Variants in ZNF385D observed in about 807,000 individuals in gnomAD.
The protein encoded by ZNF385D is zinc finger protein 659.
In ZNF385D, 15 loss-of-function variants were observed where a neutral mutation model predicts 35.8. That is an observed-to-expected ratio of 0.42 (90% CI 0.28 to 0.64). The LOEUF (loss-of-function observed/expected upper bound fraction) is 0.64. Ranked by LOEUF, ZNF385D falls within the 30% of genes least tolerant of loss-of-function variation. The pLI is 0.23. For missense variants in ZNF385D, 474 were observed against 494.6 expected, an observed-to-expected ratio of 0.96 and a Z score of 0.39; for synonymous variants, 212 against 186.8, an observed-to-expected ratio of 1.13 and a Z score of -1.10.
At chr3:21,561,318 C>A (rs976867562) in intron 3 of ZNF385D, among the ~76,000 whole-genome samples, 1 of 152,180 alleles carries the variant, frequency 6.6e-6, no homozygotes, top group Non-Finnish European at 1.5e-5. Context: ...TTGCAAAGAC[C>A]ATGGGAAAAG....
At chr3:21,783,925 T>TA (rs2071586631) in intron 3 of ZNF385D, among the ~76,000 whole-genome samples, 2 of 152,122 alleles carry the variant, frequency 1.3e-5, no homozygotes, top group South Asian at 4.1e-4. Flanking sequence ...AGACTAAAAA[T>TA]ACAGTATGTA....
intron 3 of ZNF385D, among the ~76,000 whole-genome samples, chr3:22,124,966 G>T (rs937861403): frequency 6.6e-6 from 1 of 152,012 alleles, no homozygotes; most frequent in East Asian, 1.9e-4. Context: ...CTGTGCTTGT[G>T]GGGTATTATT....
At chr3:21,612,904 C>A (rs13092351) in intron 2 of ZNF385D, among the ~76,000 whole-genome samples, 15 of 151,680 alleles carry the variant, frequency 9.9e-5, no homozygotes, top group South Asian at 2.1e-4. Flanking sequence ...TTTCACAGTC[C>A]TAGGTAAACA....
chr3:21,485,045 T>G (rs536054042), intron 4 of ZNF385D, among the ~76,000 whole-genome samples: 1 of 152,300 alleles, frequency 6.6e-6, no homozygotes, highest in South Asian at 2.1e-4. Flanking sequence ...CTCCTAATGC[T>G]TGGCTTATGT....
intron 4 of ZNF385D, among the ~76,000 whole-genome samples, chr3:21,467,509 A>G (rs1234962274): frequency 6.6e-6 from 1 of 152,202 alleles, no homozygotes; most frequent in Non-Finnish European, 1.5e-5. Flanking sequence ...AACATCTCTA[A>G]TTTAGTCTAA....
intron 2 of ZNF385D, among the ~76,000 whole-genome samples, chr3:21,654,400 C>A (rs1453697714): frequency 6.6e-6 from 1 of 152,068 alleles, no homozygotes; most frequent in African/African-American, 2.4e-5. Flanking sequence ...TCAGAGAGAA[C>A]CATCTGACAT....
At chr3:22,095,352 T>A (rs1701561524) in intron 3 of ZNF385D, among the ~76,000 whole-genome samples, 1 of 152,030 alleles carries the variant, frequency 6.6e-6, no homozygotes, top group Non-Finnish European at 1.5e-5. Context: ...TCACAGGATA[T>A]CTTTTTGGTA....
At chr3:21,994,187 T>C (rs933442833) in intron 3 of ZNF385D, among the ~76,000 whole-genome samples, 2 of 152,180 alleles carry the variant, frequency 1.3e-5, no homozygotes, top group Non-Finnish European at 2.9e-5. Flanking sequence ...GGACATCTGG[T>C]AGGCTTTGGT....
intron 3 of ZNF385D, among the ~76,000 whole-genome samples, chr3:21,773,854 G>C (rs13066520): frequency 6.6e-6 from 1 of 151,778 alleles, no homozygotes; most frequent in Non-Finnish European, 1.5e-5. Context: ...TGTGGAAGAT[G>C]CTGTGGCAAT....
At chr3:21,723,640 T>A (rs766310737) in intron 1 of ZNF385D, among the ~76,000 whole-genome samples, 1 of 152,084 alleles carries the variant, frequency 6.6e-6, no homozygotes, top group Non-Finnish European at 1.5e-5. Flanking sequence ...CCAAGAAATA[T>A]GGGACTATGT....
intron 3 of ZNF385D, among the ~76,000 whole-genome samples, chr3:22,166,441 TAC>T (rs1706335005): frequency 6.6e-6 from 1 of 152,208 alleles, no homozygotes; most frequent in African/African-American, 2.4e-5. Context: ...CCTTTCAAAG[TAC>T]AGATACTTAA....
At chr3:21,761,676 A>C (rs1056133968) in intron 3 of ZNF385D, among the ~76,000 whole-genome samples, 17 of 152,132 alleles carry the variant, frequency 1.1e-4, no homozygotes, top group African/African-American at 4.1e-4. Context: ...AGTGCATGTC[A>C]ACTCTCAAGG....
At chr3:22,038,209 G>A (rs959683109) in intron 3 of ZNF385D, among the ~76,000 whole-genome samples, 4 of 152,080 alleles carry the variant, frequency 2.6e-5, no homozygotes, top group Non-Finnish European at 5.9e-5. Context: ...GACACATGAA[G>A]GAGTTTTCTT....
intron 2 of ZNF385D, among the ~76,000 whole-genome samples, chr3:22,208,465 G>A (rs1390504039): frequency 6.6e-6 from 1 of 151,718 alleles, no homozygotes; most frequent in African/African-American, 2.4e-5. Context: ...GTAGATGGGT[G>A]GGGGGTTAAC....
chr3:21,975,752 T>TATATATATAC (rs1703574636), intron 3 of ZNF385D, among the ~76,000 whole-genome samples: 1 of 106,170 alleles, frequency 9.4e-6, no homozygotes, highest in Admixed American at 9.1e-5. Context: ...TATATATATA[T>TATATATATAC]ATACACACAC....
chr3:21,548,388 C>T (rs1275064966), intron 3 of ZNF385D, among the ~76,000 whole-genome samples: 1 of 152,130 alleles, frequency 6.6e-6, no homozygotes, highest in East Asian at 1.9e-4. Flanking sequence ...AGCATTAATG[C>T]CTTCTTGCCT....
rs1387811499 is a variant in ZNF385D at position 21,441,738 on chromosome 3, T to TC, written c.440-4536dup. 4 of 985,292 alleles carry TC rather than the reference T, an allele frequency of 4.1e-6. No individual in the cohort carries two copies. In the South Asian group the frequency reaches 1.4e-4, roughly 35 times the overall value. 61.0% of individuals were successfully genotyped at this position (985,292 alleles called of 1,614,324 possible). ...CACAGGGCTTCATTGCACCTTTTTT[T>TC]CCCCCTGCAAAAGATGAGAAAGTAG... On this transcript the variant is annotated intron_variant, in intron 4 of 7. Coordinates refer to ENST00000281523, the MANE Select transcript of ZNF385D (RefSeq NM_024697.3).
chr3:22,090,968 A>G (rs1701301098), intron 3 of ZNF385D, among the ~76,000 whole-genome samples: 1 of 152,152 alleles, frequency 6.6e-6, no homozygotes, highest in Non-Finnish European at 1.5e-5. Flanking sequence ...ATACAAAAAG[A>G]CTACATGGCA....
rs117134279 is a variant in ZNF385D at position 22,333,877 on chromosome 3, T to C, written c.106+38573A>G. ...GGCAAATTCACTGCCAATCAGGTGGTACTATATATTCTGGTCTTATTCCCC... is the reference window on the plus strand; with the variant it reads ...GGCAAATTCACTGCCAATCAGGTGGCACTATATATTCTGGTCTTATTCCCC... On this transcript the variant is annotated intron_variant, in intron 2 of 5. Transcript: ENST00000494108. Among the ~76,000 whole-genome samples, 649 of 152,298 alleles carry C rather than the reference T, an allele frequency of 4.3e-3. 10 individuals are homozygous for C. In the East Asian group the frequency reaches 0.052, roughly 12 times the overall value.
Sources: allele counts gnomAD v4.1 joint callset (sites outside exome capture counted in the v4.1 genomes callset), GRCh38; gene constraint gnomAD v4.1.1; transcripts MANE v1.5; gene names NCBI Gene and HGNC (gene_info 2026-07-23, HGNC 2026-07-21).